Variants in DTNBP1 observed in about 807,000 individuals in gnomAD.
DTNBP1 encodes dysbindin.
Under a neutral mutation model 42.8 loss-of-function variants are expected in DTNBP1, and 35 were observed. The ratio of observed to expected loss-of-function variants is 0.82; its 90% CI spans 0.63 to 1.09. The LOEUF (loss-of-function observed/expected upper bound fraction) is 1.09. Among genes scored for constraint, DTNBP1 ranks in the 50% least tolerant of loss-of-function variants. The pLI, the probability that DTNBP1 is intolerant of heterozygous loss-of-function variation, is 0.00. For missense variants in DTNBP1, 457 were observed against 424.2 expected, an observed-to-expected ratio of 1.08 and a Z score of -0.68; for synonymous variants, 171 against 162.2, an observed-to-expected ratio of 1.05 and a Z score of -0.41.
intron 8 of DTNBP1, among the ~76,000 whole-genome samples, chr6:15,528,751 T>C (rs1366012553): frequency 2.6e-5 from 4 of 152,182 alleles, no homozygotes; most frequent in Non-Finnish European, 5.9e-5. Context: ...AGCCATGTCA[T>C]TGTGACCAGT....
chr6:15,532,417 T>C (rs1396218735), intron 8 of DTNBP1, among the ~76,000 whole-genome samples: 1 of 152,178 alleles, frequency 6.6e-6, no homozygotes, highest in African/African-American at 2.4e-5. Flanking sequence ...GGATACATCA[T>C]GACAAAAAGA....
intron 9 of DTNBP1, chr6:15,523,817 C>T (rs76702672): frequency 7.8e-7 from 1 of 1,287,180 alleles, no homozygotes. Context: ...CAGGATGACA[C>T]CGTTCTGACA....
At chr6:15,551,795 T>C (rs1774226115) in intron 7 of DTNBP1, among the ~76,000 whole-genome samples, 1 of 152,170 alleles carries the variant, frequency 6.6e-6, no homozygotes, top group African/African-American at 2.4e-5. Flanking sequence ...AAGGTACTGG[T>C]AGCAATCACT....
chr6:15,607,166 ACATC>A (rs1160460747), intron 6 of DTNBP1, among the ~76,000 whole-genome samples: 9 of 151,892 alleles, frequency 5.9e-5, no homozygotes, highest in Non-Finnish European at 1.0e-4. Context: ...ACCCACTACC[ACATC>A]CAGCTAATTT....
chr6:15,656,607 G>C (rs1165326423), intron 1 of DTNBP1, among the ~76,000 whole-genome samples: 2 of 152,116 alleles, frequency 1.3e-5, no homozygotes, highest in Non-Finnish European at 2.9e-5. Flanking sequence ...AATTAGCCAG[G>C]CGTGGTGGTG....
intron 6 of DTNBP1, among the ~76,000 whole-genome samples, chr6:15,610,943 A>T (rs1758356073): frequency 6.6e-6 from 1 of 152,270 alleles, no homozygotes; most frequent in Non-Finnish European, 1.5e-5. Context: ...GCAGCAGCTT[A>T]TCCAGAAGAT....
rs1400661943 is a variant in DTNBP1, at chr6:15,522,868, T to C, written c.*107A>G. ...AAGTTTCTCACACATTATTGGCAAT[T>C]ATGTAAAAATCAAGAACCTCTATAA... On this transcript the variant is annotated 3_prime_UTR_variant, in exon 10 of 10. Transcript: ENST00000344537. 3 of 1,573,270 alleles carry C rather than the reference T, an allele frequency of 1.9e-6. No homozygotes were observed. Among genetic ancestry groups the C allele is most frequent in the Non-Finnish European group, 2.6e-6 (3 of 1,147,540 alleles).
At chr6:15,554,750 T>TA (rs113312759) in intron 7 of DTNBP1, among the ~76,000 whole-genome samples, 8,728 of 152,182 alleles carry the variant, frequency 0.057, 372 homozygotes, top group African/African-American at 0.12. Flanking sequence ...GGGACTGATG[T>TA]ACAAAAAAAT....
At chr6:15,642,428 C>T (rs1278688600) in intron 3 of DTNBP1, among the ~76,000 whole-genome samples, 1 of 152,226 alleles carries the variant, frequency 6.6e-6, no homozygotes, top group Non-Finnish European at 1.5e-5. Flanking sequence ...CTCTTCCCGC[C>T]ACCATCCCCT....
intron 8 of DTNBP1, among the ~76,000 whole-genome samples, chr6:15,530,953 A>C (rs1269613085): frequency 6.6e-6 from 1 of 152,056 alleles, no homozygotes; most frequent in Non-Finnish European, 1.5e-5. Flanking sequence ...CCTAACCCCC[A>C]ATATGAGGAT....
At chr6:15,659,742 C>T (rs985969732) in intron 1 of DTNBP1, among the ~76,000 whole-genome samples, 3 of 151,884 alleles carry the variant, frequency 2.0e-5, no homozygotes, top group Middle Eastern at 3.4e-3. Flanking sequence ...TTAGTGGAGA[C>T]GGGGTTTCAC....
intron 4 of DTNBP1, among the ~76,000 whole-genome samples, chr6:15,629,824 C>A (rs1210327171): frequency 6.6e-6 from 1 of 152,082 alleles, no homozygotes; most frequent in African/African-American, 2.4e-5. Context: ...GGGAATTTGA[C>A]AGTAAGCCTA....
chr6:15,581,336 C>T (rs571002958), intron 7 of DTNBP1, among the ~76,000 whole-genome samples: 3 of 151,990 alleles, frequency 2.0e-5, no homozygotes, highest in African/African-American at 4.8e-5. Context: ...CCTGCCACCA[C>T]GCCTGGCTAA....
Position 15,615,257 on chromosome 6 carries a change from T to G in DTNBP1, c.488+10A>C, listed in dbSNP as rs770224884. 2.5e-6 allele frequency: 4 copies of G among 1,614,156 alleles called. No individual in the cohort carries two copies. The highest frequency in any genetic ancestry group is 3.3e-5 in the Admixed American group (2 of 60,032). On this transcript the variant is annotated intron_variant, in intron 6 of 9. Transcript: ENST00000344537. ...TGGAATGAATACTGTGGCAAACTTT[T>G]CAAACTCACCTCTTATTTTTCTTGT...
At chr6:15,526,390 G>A (rs1459875335) in intron 8 of DTNBP1, among the ~76,000 whole-genome samples, 1 of 152,242 alleles carries the variant, frequency 6.6e-6, no homozygotes, top group Non-Finnish European at 1.5e-5. Flanking sequence ...CCACAGCGAC[G>A]TGAGATTGCG....
chr6:15,605,937 G>GT (rs1469998324), intron 6 of DTNBP1, among the ~76,000 whole-genome samples: 1 of 152,184 alleles, frequency 6.6e-6, no homozygotes, highest in Non-Finnish European at 1.5e-5. Flanking sequence ...AAAGGCACTG[G>GT]TAACAGTAAT....
At chr6:15,543,584 A>G (rs1021517876) in intron 7 of DTNBP1, among the ~76,000 whole-genome samples, 5 of 152,236 alleles carry the variant, frequency 3.3e-5, no homozygotes, top group Admixed American at 2.6e-4. Flanking sequence ...AAAATTGTTA[A>G]GTACAATAAG....
chr6:15,627,077 C>A (rs1452741137), intron 5 of DTNBP1, among the ~76,000 whole-genome samples: 1 of 152,182 alleles, frequency 6.6e-6, no homozygotes, highest in African/African-American at 2.4e-5. Flanking sequence ...CAAATGTCAA[C>A]AAAGACAACC....
intron 7 of DTNBP1, among the ~76,000 whole-genome samples, chr6:15,548,067 C>G (rs1030971150): frequency 6.6e-6 from 1 of 152,196 alleles, no homozygotes. Context: ...TTCTATTAAT[C>G]GAAACTCTCA....
Sources: allele counts gnomAD v4.1 joint callset (sites outside exome capture counted in the v4.1 genomes callset), GRCh38; gene constraint gnomAD v4.1.1; transcripts MANE v1.5; gene names NCBI Gene and HGNC (gene_info 2026-07-23, HGNC 2026-07-21).